CRTAP: variants seen among roughly 807,000 people sequenced by gnomAD.
CRTAP encodes the protein cartilage-associated protein.
Under a neutral mutation model 42.7 loss-of-function variants are expected in CRTAP, and 33 were observed. The observed-to-expected ratio is 0.77, with a 90% CI of 0.59 to 1.03. The LOEUF is 1.03. Ranked by LOEUF, CRTAP falls within the 50% of genes least tolerant of loss-of-function variation. The pLI, the probability that CRTAP is intolerant of heterozygous loss-of-function variation, is 0.00. For missense variants in CRTAP, 613 were observed against 533.9 expected, an observed-to-expected ratio of 1.15 and a Z score of -1.46; for synonymous variants, 243 against 217.7, an observed-to-expected ratio of 1.12 and a Z score of -1.02.
chr3:33,117,029 C>T (rs1701349951), intron 1 of CRTAP, among the ~76,000 whole-genome samples: 1 of 152,110 alleles, frequency 6.6e-6, no homozygotes, highest in South Asian at 2.1e-4. Flanking sequence ...ATCACTTGAG[C>T]CCAGAAAGTC....
rs535188514 is a variant in CRTAP, at chr3:33,143,656, G to T, written c.*1208G>T. Reference sequence around the variant, plus strand: ...AAATATATACAAGGTATCATGTAGTGATAATTGCTGTGGAGAAAAATAAAG... The same window carrying T: ...AAATATATACAAGGTATCATGTAGTTATAATTGCTGTGGAGAAAAATAAAG... On this transcript the variant is annotated 3_prime_UTR_variant, in exon 7 of 7. Coordinates refer to ENST00000320954, the MANE Select transcript of CRTAP (RefSeq NM_006371.5). 1.3e-5 allele frequency: 2 copies of T among 152,302 alleles called. No homozygotes were observed. Among genetic ancestry groups the T allele is most frequent in the East Asian group, 3.9e-4 (2 of 5,184 alleles). The allele number at this position is 152,302 out of a possible 1,614,324, so 9.4% of individuals were successfully genotyped here. A position where few individuals can be genotyped will look rare whatever the true frequency, so the allele number is the denominator to read the frequency against.
intron 2 of CRTAP, among the ~76,000 whole-genome samples, chr3:33,122,634 C>T (rs1448071986): frequency 1.4e-5 from 2 of 144,102 alleles, no homozygotes; most frequent in Non-Finnish European, 3.0e-5. Context: ...TGCCTGAACC[C>T]AGGAGTTGGA....
At chr3:33,136,892 T>A (rs1233909914) in intron 6 of CRTAP, among the ~76,000 whole-genome samples, 2 of 152,120 alleles carry the variant, frequency 1.3e-5, no homozygotes, top group African/African-American at 4.8e-5. Context: ...GGAGGGGACA[T>A]ATATCCAAAC....
Position 33,124,395 on chromosome 3 carries a change from C to T in CRTAP, c.622-13C>T. ...CCAAGAGCGAGCTTCACTGGCTTCT[C>T]CATGCCTTTCAGAGCCTGTTCATCC... On this transcript the variant is annotated splice_polypyrimidine_tract_variant and intron_variant, in intron 2 of 6. Coordinates refer to ENST00000320954, the MANE Select transcript of CRTAP (RefSeq NM_006371.5). 1 of 1,613,848 alleles carries T rather than the reference C, an allele frequency of 6.2e-7. No homozygotes were observed. The highest frequency in any genetic ancestry group is 8.5e-7 in the Non-Finnish European group (1 of 1,180,022).
chr3:33,127,370 A>G (rs1180349740), intron 3 of CRTAP, among the ~76,000 whole-genome samples: 3 of 152,100 alleles, frequency 2.0e-5, no homozygotes, highest in Non-Finnish European at 4.4e-5. Flanking sequence ...AATTTGTAAC[A>G]TTGATTGTGC....
intron 6 of CRTAP, among the ~76,000 whole-genome samples, chr3:33,141,682 T>C (rs939740900): frequency 6.6e-6 from 1 of 152,168 alleles, no homozygotes; most frequent in Non-Finnish European, 1.5e-5. Flanking sequence ...GAAAAGAGAA[T>C]GGGTGTCATC....
In CRTAP at chr3:33,147,223, C is replaced by T. The variant is rs574860173; in HGVS notation, c.*4775C>T. The T allele has an allele frequency of 6.5e-6, 1 of 152,948 alleles. No individual in the cohort carries two copies. Among genetic ancestry groups the T allele is most frequent in the South Asian group, 2.1e-4 (1 of 4,828 alleles). 9.5% of individuals were successfully genotyped at this position (152,948 alleles called of 1,614,324 possible). ...ATGCATTGGACTTCCTGTGCCTGCC[C>T]CCAGGGGCAAGACTGATCCCCATGC... is the stretch of plus-strand genomic sequence containing the variant. On this transcript the variant is annotated 3_prime_UTR_variant, in exon 7 of 7. Transcript: ENST00000320954.
chr3:33,144,864 T>C lies in CRTAP; in HGVS notation c.*2416T>C, dbSNP rs1127898. ...GTCAGAGAAAACCAAGAGAGTGTGG[T>C]GTTCTGGAAGCTGAGCTTTCTTTAT... On this transcript the variant is annotated 3_prime_UTR_variant, in exon 7 of 7. Transcript: ENST00000320954. 42,957 of 152,028 alleles carry C rather than the reference T, an allele frequency of 0.28. 6,558 individuals carry two copies. Among genetic ancestry groups the C allele is most frequent in the East Asian group, 0.54 (2,791 of 5,174 alleles). The allele number at this position is 152,028 out of a possible 1,614,324, so 9.4% of individuals were successfully genotyped here. A position where few individuals can be genotyped will look rare whatever the true frequency, so the allele number is the denominator to read the frequency against.
At chr3:33,116,671 T>G (rs902076942) in intron 1 of CRTAP, among the ~76,000 whole-genome samples, 3 of 152,210 alleles carry the variant, frequency 2.0e-5, no homozygotes, top group Admixed American at 6.5e-5. Context: ...GGCCACCATC[T>G]TAACATTTTG....
chr3:33,114,819 A>G (rs953419120), intron 1 of CRTAP, among the ~76,000 whole-genome samples: 2 of 152,232 alleles, frequency 1.3e-5, no homozygotes, highest in African/African-American at 4.8e-5. Flanking sequence ...AGTGCCTGAT[A>G]AATGTTCTCT....
In CRTAP at chr3:33,114,260, C is replaced by G. The variant is rs762493402; in HGVS notation, c.183C>G (p.Ala61=). ...ALDKYSGEHW[A]ESVGYLEISL... ...ACAAGTACAGCGGCGAGCACTGGGC[C>G]GAGAGCGTGGGCTACCTGGAGATCA... Residue 61 remains alanine, a synonymous_variant, in exon 1 of 7, where the codon GCC becomes GCG. Coordinates refer to ENST00000320954, the MANE Select transcript of CRTAP (RefSeq NM_006371.5). 6.3e-7 allele frequency: 1 copy of G among 1,584,926 alleles called. No homozygotes were observed. Among genetic ancestry groups the G allele is most frequent in the African/African-American group, 1.4e-5 (1 of 73,616 alleles).
chr3:33,115,835 AG>A (rs1224339959), intron 1 of CRTAP, among the ~76,000 whole-genome samples: 1 of 151,686 alleles, frequency 6.6e-6, no homozygotes, highest in African/African-American at 2.4e-5. Flanking sequence ...AACCCCAAAG[AG>A]GGGAAAAGCT....
rs2030655217 is a variant in CRTAP, at chr3:33,144,060, C to G, written c.*1612C>G. 1 of 152,196 alleles carries G rather than the reference C, an allele frequency of 6.6e-6. No homozygotes were observed. Among genetic ancestry groups the G allele is most frequent in the Non-Finnish European group, 1.5e-5 (1 of 68,082 alleles). 9.4% of individuals were successfully genotyped at this position (152,196 alleles called of 1,614,324 possible). A position where few individuals can be genotyped will look rare whatever the true frequency, so the allele number is the denominator to read the frequency against. On this transcript the variant is annotated 3_prime_UTR_variant, in exon 7 of 7. Coordinates refer to ENST00000320954, the MANE Select transcript of CRTAP (RefSeq NM_006371.5). ...TGTGAAAAACTTTAGTGGACAAGGG[C>G]AGAAGGAAGAGGGAAGACCTGTTAG... is the stretch of plus-strand genomic sequence containing the variant.
intron 2 of CRTAP, among the ~76,000 whole-genome samples, chr3:33,120,885 AC>A (rs1247671005): frequency 6.6e-6 from 1 of 152,212 alleles, no homozygotes; most frequent in African/African-American, 2.4e-5. Flanking sequence ...ACACAAACGC[AC>A]CCTAAATATA....
intron 1 of CRTAP, among the ~76,000 whole-genome samples, chr3:33,114,876 G>A (rs988258560): frequency 2.6e-5 from 4 of 152,162 alleles, no homozygotes; most frequent in Non-Finnish European, 5.9e-5. Flanking sequence ...CATTAAAGTC[G>A]CCTTTTTTCT....
chr3:33,142,415 G>A lies in CRTAP; in HGVS notation c.1173G>A (p.Val391=). The A allele has an allele frequency of 6.2e-7, 1 of 1,614,122 alleles. No individual in the cohort carries two copies. Among genetic ancestry groups the A allele is most frequent in the Non-Finnish European group, 8.5e-7 (1 of 1,179,964 alleles). The stretch of plus-strand genomic sequence containing the variant: ...TACAGGGAGAAGTTGTGGAATATGT[G>A]GATGACCTCTTGGAACTGGAGGAGA... ...DDDEGEVVEY[V]DDLLELEETS Residue 391 remains valine (V), a synonymous_variant, in exon 7 of 7, where the codon GTG becomes GTA. Coordinates refer to ENST00000320954, the MANE Select transcript of CRTAP (RefSeq NM_006371.5).
At chr3:33,124,338 C>T (rs1400099013) in intron 2 of CRTAP, 70 bp from the exon 3 acceptor site, 2 of 1,597,018 alleles carry the variant, frequency 1.3e-6, no homozygotes, top group Admixed American at 1.7e-5. Flanking sequence ...TCTTGGTTCC[C>T]TTTGAGATTT....
chr3:33,139,331 G>A (rs2030508944), intron 6 of CRTAP, among the ~76,000 whole-genome samples: 1 of 152,044 alleles, frequency 6.6e-6, no homozygotes, highest in Non-Finnish European at 1.5e-5. Context: ...TGGAGAGAGT[G>A]AACATCCTTG....
Position 33,124,569 on chromosome 3 carries a change from T to G in CRTAP, c.783T>G (p.Leu261=), listed in dbSNP as rs2030006965. 3.1e-6 allele frequency: 5 copies of G among 1,614,074 alleles called. No homozygotes were observed. Among genetic ancestry groups the G allele is most frequent in the Non-Finnish European group, 4.2e-6 (5 of 1,180,026 alleles). ...TCAAGGACTTCAAGGATTTCTACCT[T>G]TCCATAGCAGGTTGGTGGTAGGTCA... ...REIKDFKDFY[L]SIADHYVEVL... The change falls in exon 3 of 7, where the codon CTT becomes CTG. Residue 261 remains leucine (L), a synonymous_variant. Transcript: ENST00000320954.
Sources: allele counts gnomAD v4.1 joint callset (sites outside exome capture counted in the v4.1 genomes callset), GRCh38; gene constraint gnomAD v4.1.1; transcripts MANE v1.5; gene names NCBI Gene and HGNC (gene_info 2026-07-23, HGNC 2026-07-21).